Variants in CUL9 observed in about 807,000 individuals in gnomAD.
CUL9 encodes the protein cullin 9, also known as cullin-9.
Under a neutral mutation model 272.6 loss-of-function variants are expected in CUL9, and 79 were observed. That is an observed-to-expected ratio of 0.29 (90% CI 0.24 to 0.35). The LOEUF (loss-of-function observed/expected upper bound fraction) is 0.35, where lower values mean the gene tolerates loss of function less well. Among genes scored for constraint, CUL9 ranks in the 10% least tolerant of loss-of-function variants. The pLI is 1.00. For missense variants in CUL9, 2,532 were observed against 3,255.6 expected (o/e 0.78, Z 5.41); for synonymous variants, 1,186 against 1,286.5 (o/e 0.92, Z 1.67).
At position 43,187,968 on chromosome 6, in the gene CUL9, A is replaced by G; in HGVS notation, c.1837A>G (p.Lys613Glu). The change falls in exon 7 of 41, where the codon AAA (lysine) becomes GAA (glutamate). Residue 613 changes from lysine (K) to glutamate (E), a missense_variant. Transcript: ENST00000252050. Reference sequence around the variant, plus strand: ...CTCAGAGGAAGAGACTGAGTCCCTCAAAGCAAAGGCCGAGGCCCCTAAGAC... The same window carrying G: ...CTCAGAGGAAGAGACTGAGTCCCTCGAAGCAAAGGCCGAGGCCCCTAAGAC... ...SFSEEETESL[K>E]AKAEAPKTEA... 1.2e-6 allele frequency: 2 copies of G among 1,614,082 alleles called. No homozygotes were observed. The highest frequency in any genetic ancestry group is 1.7e-6 in the Non-Finnish European group (2 of 1,180,018).
rs1776226568 is a variant in CUL9, at chr6:43,220,076, G to A, written c.6283-383G>A. Reference sequence around the variant, plus strand: ...AGCTGGGAGGAGAGACCAGAGCTGTGTTGTCAGCCACCCAGGCAACCCATT... The same window carrying A: ...AGCTGGGAGGAGAGACCAGAGCTGTATTGTCAGCCACCCAGGCAACCCATT... On this transcript the variant is annotated intron_variant, in intron 31 of 40. Coordinates refer to ENST00000252050, the MANE Select transcript of CUL9 (RefSeq NM_015089.4). The surrounding 1 kb of genome is among the most constrained non-coding windows in gnomAD (Gnocchi z 4.9). 6.6e-6 allele frequency among the ~76,000 whole-genome samples: 1 copy of A among 152,208 alleles called. No homozygotes were observed. The highest frequency in any genetic ancestry group is 2.4e-5 in the African/African-American group (1 of 41,450).
In CUL9 at chr6:43,223,748, G is replaced by C. The variant is rs1370261473; in HGVS notation, c.7285-347G>C. ...GGGCATCAGGGGATTGGGGTCACTG[G>C]AGCAAGGGCTCTCCCAGGCTCTCTC... On this transcript the variant is annotated intron_variant, in intron 39 of 40. Coordinates refer to ENST00000252050, the MANE Select transcript of CUL9 (RefSeq NM_015089.4). This position sits in a 1 kb window ranked among gnomAD's most constrained non-coding sequence, Gnocchi z 4.1. 3 of 499,204 alleles carry C rather than the reference G, an allele frequency of 6.0e-6. No homozygotes were observed. The highest frequency in any genetic ancestry group is 1.1e-5 in the Non-Finnish European group (3 of 275,464). 30.9% of individuals were successfully genotyped at this position (499,204 alleles called of 1,614,324 possible).
In CUL9 at chr6:43,206,604, G is replaced by A. The variant is rs970907109; in HGVS notation, c.5212+94G>A. 2 of 1,143,414 alleles carry A rather than the reference G, an allele frequency of 1.7e-6. No homozygotes were observed. The highest frequency in any genetic ancestry group is 3.1e-5 in the African/African-American group (2 of 64,484). 70.8% of individuals were successfully genotyped at this position (1,143,414 alleles called of 1,614,324 possible). A position where few individuals can be genotyped will look rare whatever the true frequency, so the allele number is the denominator to read the frequency against. On this transcript the variant is annotated intron_variant, in intron 26 of 40. Coordinates refer to ENST00000252050, the MANE Select transcript of CUL9 (RefSeq NM_015089.4). The surrounding 1 kb of genome is among the most constrained non-coding windows in gnomAD (Gnocchi z 4.8). ...GGACCTTTGGACAGGATATAGATGT[G>A]AAGAAAAATATCAGCTCCTAGCGAG...
chr6:43,216,619 T>A, intron 31 of CUL9, 116 bp downstream of exon 31: 1 of 959,708 alleles, frequency 1.0e-6, no homozygotes, highest in Non-Finnish European at 1.6e-6. Context: ...TGGGCAATAG[T>A]GGATTTAGTC....
At chr6:43,195,808 T>A (rs1166140032) in intron 9 of CUL9, among the ~76,000 whole-genome samples, 1 of 152,026 alleles carries the variant, frequency 6.6e-6, no homozygotes, top group Non-Finnish European at 1.5e-5. Flanking sequence ...CCAAGAGGAG[T>A]GGAAGGCTGA....
rs370496201 is a variant in CUL9 at position 43,210,764 on chromosome 6, AATTT to A, written c.5213-2381_5213-2378del. On this transcript the variant is annotated intron_variant, in intron 26 of 40. Coordinates refer to ENST00000252050, the MANE Select transcript of CUL9 (RefSeq NM_015089.4). The stretch of plus-strand genomic sequence containing the variant: ...TCATAAATAATAAACTCAATGAATT[AATTT>A]ATTATTAATTAATTGACTGTTTCTA... 1.2e-4 allele frequency among the ~76,000 whole-genome samples: 18 copies of A among 151,970 alleles called. No homozygotes were observed. In the East Asian group the frequency reaches 2.5e-3, roughly 21 times the overall value.
Position 43,196,953 on chromosome 6 carries a change from C to G in CUL9, c.2803+91C>G, listed in dbSNP as rs560384716. 3 of 1,098,490 alleles carry G rather than the reference C, an allele frequency of 2.7e-6. No homozygotes were observed. The South Asian group carries it at 4.3e-5, about 16-fold the overall frequency. The allele number at this position is 1,098,490 out of a possible 1,614,324, so 68.0% of individuals were successfully genotyped here. ...TCCTTACTGGAAAGATACAAGGAAA[C>G]TTCAGGAAATGAGCAAGCATTGTGC... On this transcript the variant is annotated intron_variant, in intron 11 of 40. Coordinates refer to ENST00000252050, the MANE Select transcript of CUL9 (RefSeq NM_015089.4).
chr6:43,213,347 GT>G lies in CUL9; in HGVS notation c.5358+55del. On this transcript the variant is annotated intron_variant, in intron 27 of 40. Coordinates refer to ENST00000252050, the MANE Select transcript of CUL9 (RefSeq NM_015089.4). The surrounding 1 kb of genome is among the most constrained non-coding windows in gnomAD (Gnocchi z 5.7). ...CTTCTCTGCTACCTTATCTGTCGCT[GT>G]TCTCCTCCTAAACCCTGTTCCTCCT... 1 of 1,611,158 alleles carries G rather than the reference GT, an allele frequency of 6.2e-7. No individual in the cohort carries two copies. The highest frequency in any genetic ancestry group is 8.5e-7 in the Non-Finnish European group (1 of 1,177,856).
Position 43,221,446 on chromosome 6 carries a change from C to A in CUL9, c.6752+125C>A, listed in dbSNP as rs1409640092. The A allele has an allele frequency of 2.6e-6, 3 of 1,160,700 alleles. No individual in the cohort carries two copies. Among genetic ancestry groups the A allele is most frequent in the East Asian group, 2.6e-5 (1 of 39,038 alleles). The allele number at this position is 1,160,700 out of a possible 1,614,324, so 71.9% of individuals were successfully genotyped here. A position where few individuals can be genotyped will look rare whatever the true frequency, so the allele number is the denominator to read the frequency against. ...AGGGTGGTTCCTCAGCCGCCCCTCA[C>A]GTGGCAGCCTCCACGGTGACTTCCT... On this transcript the variant is annotated intron_variant, in intron 34 of 40. Transcript: ENST00000252050. This position sits in a 1 kb window ranked among gnomAD's most constrained non-coding sequence, Gnocchi z 4.2.
At chr6:43,193,243 G>A in intron 9 of CUL9, 35 bp downstream of exon 9, 1 of 1,590,556 alleles carries the variant, frequency 6.3e-7, no homozygotes. Context: ...GAGAACAATG[G>A]GCAAGACAGG....
At position 43,188,769 on chromosome 6, in the gene CUL9, G is replaced by A. The variant is rs1369125012; in HGVS notation, c.2180+54G>A. ...TGGTTGAAGCTGTAGGCAAAGGATG[G>A]TGGTAGCGGGGAAGGAGCTTTGAGA... On this transcript the variant is annotated intron_variant, in intron 8 of 40. Transcript: ENST00000252050. 8 of 1,419,332 alleles carry A rather than the reference G, an allele frequency of 5.6e-6. No homozygotes were observed. In the East Asian group the frequency reaches 1.6e-4, roughly 29 times the overall value. The allele number at this position is 1,419,332 out of a possible 1,614,324, so 87.9% of individuals were successfully genotyped here. A position where few individuals can be genotyped will look rare whatever the true frequency, so the allele number is the denominator to read the frequency against.
Position 43,218,309 on chromosome 6 carries a change from C to T in CUL9, c.6282+1806C>T, listed in dbSNP as rs773175038. Reference sequence around the variant, plus strand: ...TCGGCTCATTGCAACCTCCATCTCCCGGGTTCAAGCGATTCTTCTGCCTCA... The same window carrying T: ...TCGGCTCATTGCAACCTCCATCTCCTGGGTTCAAGCGATTCTTCTGCCTCA... On this transcript the variant is annotated intron_variant, in intron 31 of 40. Coordinates refer to ENST00000252050, the MANE Select transcript of CUL9 (RefSeq NM_015089.4). This position sits in a 1 kb window ranked among gnomAD's most constrained non-coding sequence, Gnocchi z 4.4. 6.6e-6 allele frequency among the ~76,000 whole-genome samples: 1 copy of T among 152,058 alleles called. No homozygotes were observed. Among genetic ancestry groups the T allele is most frequent in the African/African-American group, 2.4e-5 (1 of 41,404 alleles).
rs1431658586 is a variant in CUL9 at position 43,218,320 on chromosome 6, G to T, written c.6282+1817G>T. Among the ~76,000 whole-genome samples, 3 of 152,182 alleles carry T rather than the reference G, an allele frequency of 2.0e-5. No homozygotes were observed. The East Asian group carries it at 5.8e-4, about 29-fold the overall frequency. On this transcript the variant is annotated intron_variant, in intron 31 of 40. Transcript: ENST00000252050. This position sits in a 1 kb window ranked among gnomAD's most constrained non-coding sequence, Gnocchi z 4.4. ...CAACCTCCATCTCCCGGGTTCAAGCGATTCTTCTGCCTCAGCCTCCCGAGT... is the reference window on the plus strand; with the variant it reads ...CAACCTCCATCTCCCGGGTTCAAGCTATTCTTCTGCCTCAGCCTCCCGAGT...
chr6:43,211,690 C>T (rs529169849), intron 26 of CUL9, among the ~76,000 whole-genome samples: 4 of 152,124 alleles, frequency 2.6e-5, no homozygotes, highest in Non-Finnish European at 5.9e-5. Context: ...CAAGCATATA[C>T]AAATGTAGAC....
At chr6:43,201,942 G>T (rs1461256492) in intron 16 of CUL9, among the ~76,000 whole-genome samples, 1 of 152,226 alleles carries the variant, frequency 6.6e-6, no homozygotes, top group Non-Finnish European at 1.5e-5. Flanking sequence ...ATTTTTTATT[G>T]AGAAAGCTCA....
Position 43,218,756 on chromosome 6 carries a change from G to A in CUL9, c.6283-1703G>A, listed in dbSNP as rs1404781461. Among the ~76,000 whole-genome samples, 2 of 152,218 alleles carry A rather than the reference G, an allele frequency of 1.3e-5. No individual in the cohort carries two copies. Among genetic ancestry groups the A allele is most frequent in the African/African-American group, 4.8e-5 (2 of 41,458 alleles). On this transcript the variant is annotated intron_variant, in intron 31 of 40. Coordinates refer to ENST00000252050, the MANE Select transcript of CUL9 (RefSeq NM_015089.4). The surrounding 1 kb of genome is among the most constrained non-coding windows in gnomAD (Gnocchi z 4.4). The stretch of plus-strand genomic sequence containing the variant: ...CAGGGGAATCAAGGATGGTTCCTGT[G>A]CTTTGACCTGAGCACCTGGGTGGAT...
chr6:43,186,362 G>T lies in CUL9; in HGVS notation c.1158G>T (p.Gly386=). ...ATGTGCAGCAGACACTGCAGCCAGG[G>T]ATGCGAGTGCGGATGCTGGATGATT... The part of the protein sequence containing the change: ...GEYVQQTLQP[G]MRVRMLDDYE... The change falls in exon 4 of 41, where the codon GGG becomes GGT. Residue 386 remains glycine, a synonymous_variant. Coordinates refer to ENST00000252050, the MANE Select transcript of CUL9 (RefSeq NM_015089.4). The T allele has an allele frequency of 6.2e-7, 1 of 1,614,176 alleles. No homozygotes were observed.
intron 7 of CUL9, 64 bp from the exon 8 acceptor site, chr6:43,188,459 T>C: frequency 6.8e-7 from 1 of 1,469,328 alleles, no homozygotes; most frequent in African/African-American, 1.4e-5. Context: ...GGCTTGACTT[T>C]AAAGACTTCT....
chr6:43,221,855 A>T lies in CUL9; in HGVS notation c.6846+77A>T, dbSNP rs1562064884. On this transcript the variant is annotated intron_variant, in intron 35 of 40. Transcript: ENST00000252050. The surrounding 1 kb of genome is among the most constrained non-coding windows in gnomAD (Gnocchi z 4.2). ...GGTGCTGCTACCAGGTCCTGGGCAG[A>T]CAGGGCTCCTTGTGCAGTGCAGCAT... 6.2e-6 allele frequency: 8 copies of T among 1,289,364 alleles called. No homozygotes were observed. The highest frequency in any genetic ancestry group is 1.9e-5 in the Admixed American group (1 of 53,580). The allele number at this position is 1,289,364 out of a possible 1,614,324, so 79.9% of individuals were successfully genotyped here.
Sources: allele counts gnomAD v4.1 joint callset (sites outside exome capture counted in the v4.1 genomes callset), GRCh38; gene constraint gnomAD v4.1.1; non-coding constraint Gnocchi (gnomAD v3.1); transcripts MANE v1.5; gene names NCBI Gene and HGNC (gene_info 2026-07-23, HGNC 2026-07-21).